PRDM5: variants seen among roughly 807,000 people sequenced by gnomAD.
The protein encoded by PRDM5 is PR domain zinc finger protein 5.
PRDM5 carries 56 observed loss-of-function variants against 81.2 expected under a neutral mutation model. That is an observed-to-expected ratio of 0.69 (90% CI 0.56 to 0.86). The LOEUF is 0.86. Among genes scored for constraint, PRDM5 ranks in the 40% least tolerant of loss-of-function variants. The pLI is 0.00. For synonymous variants in PRDM5, 267 were observed against 256.4 expected (o/e 1.04, Z -0.39); for missense variants, 697 against 770.1 (o/e 0.91, Z 1.12).
chr4:120,705,645 A>G (rs1408470034), intron 15 of PRDM5, among the ~76,000 whole-genome samples: 1 of 152,164 alleles, frequency 6.6e-6, no homozygotes, highest in African/African-American at 2.4e-5. Flanking sequence ...GAGGTCTTTC[A>G]GACCATGATA....
At chr4:120,742,610 G>A (rs1343023181) in intron 14 of PRDM5, among the ~76,000 whole-genome samples, 2 of 152,204 alleles carry the variant, frequency 1.3e-5, no homozygotes, top group Non-Finnish European at 2.9e-5. Context: ...GAAAACCAAG[G>A]CTTGAGAACT....
At position 120,707,556 on chromosome 4, in the gene PRDM5, G is replaced by A. The variant is rs79751445; in HGVS notation, c.1728+2753C>T. Reference sequence around the variant, plus strand: ...AAGAGCTAAAACTATAAGACTCTTAGAGAAAAAAAACAAAAACAAACAAAA... The same window carrying A: ...AAGAGCTAAAACTATAAGACTCTTAAAGAAAAAAAACAAAAACAAACAAAA... On this transcript the variant is annotated intron_variant, in intron 15 of 15. Coordinates refer to ENST00000264808, the MANE Select transcript of PRDM5 (RefSeq NM_018699.4). 7.8e-3 allele frequency among the ~76,000 whole-genome samples: 1,166 copies of A among 150,106 alleles called. 13 individuals carry two copies. Among genetic ancestry groups the A allele is most frequent in the African/African-American group, 0.027 (1,122 of 40,936 alleles).
At chr4:120,797,891 A>G (rs1285818292) in intron 10 of PRDM5, among the ~76,000 whole-genome samples, 1 of 152,160 alleles carries the variant, frequency 6.6e-6, no homozygotes, top group Non-Finnish European at 1.5e-5. Flanking sequence ...GTTCAGAGAA[A>G]TTGGCAGAAG....
Position 120,853,498 on chromosome 4 carries a change from T to C in PRDM5, c.220A>G (p.Thr74Ala). The C allele has an allele frequency of 6.2e-7, 1 of 1,613,764 alleles. No homozygotes were observed. The highest frequency in any genetic ancestry group is 8.5e-7 in the Non-Finnish European group (1 of 1,179,734). The change falls in exon 3 of 16, where the codon ACC becomes GCC. Residue 74 changes from threonine (T) to alanine (A), a missense_variant. Thr to Ala is a moderately conservative substitution (Grantham distance 58). Transcript: ENST00000264808. The stretch of plus-strand genomic sequence containing the variant: ...AGCCAGTTGGAGTGCCGTGGGTTGG[T>C]AGCATCCAAAATGTACAAAACTTCT... ...KGEVLYILDA[T>A]NPRHSNWLRF...
intron 8 of PRDM5, among the ~76,000 whole-genome samples, chr4:120,800,963 G>C (rs1288381341): frequency 6.6e-6 from 1 of 152,104 alleles, no homozygotes; most frequent in African/African-American, 2.4e-5. Flanking sequence ...AAACTGGATA[G>C]GTGGTATGAA....
At chr4:120,708,802 G>A (rs1209090688) in intron 15 of PRDM5, among the ~76,000 whole-genome samples, 1 of 152,072 alleles carries the variant, frequency 6.6e-6, no homozygotes, top group Non-Finnish European at 1.5e-5. Flanking sequence ...CTCTTTAAGA[G>A]GGAGAGAGAT....
chr4:120,708,131 A>G (rs1421352219), intron 15 of PRDM5, among the ~76,000 whole-genome samples: 1 of 152,158 alleles, frequency 6.6e-6, no homozygotes, highest in Non-Finnish European at 1.5e-5. Context: ...CATATGCCTC[A>G]GCAATTCAAT....
At chr4:120,740,330 T>C (rs1405962377) in intron 14 of PRDM5, among the ~76,000 whole-genome samples, 1 of 152,202 alleles carries the variant, frequency 6.6e-6, no homozygotes, top group East Asian at 1.9e-4. Flanking sequence ...AATAAACTAT[T>C]CTTAAAAGTT....
intron 1 of PRDM5, among the ~76,000 whole-genome samples, chr4:120,918,805 T>G (rs566979094): frequency 6.6e-6 from 1 of 152,264 alleles, no homozygotes; most frequent in South Asian, 2.1e-4. Context: ...TCCCTGCAAC[T>G]CTCTGGGCTT....
At chr4:120,696,967 G>A (rs1734597228) in intron 15 of PRDM5, among the ~76,000 whole-genome samples, 1 of 152,094 alleles carries the variant, frequency 6.6e-6, no homozygotes. Flanking sequence ...TGAGGCAACT[G>A]CAAAACAAAG....
At chr4:120,822,063 C>T (rs1457665654) in intron 3 of PRDM5, among the ~76,000 whole-genome samples, 1 of 152,108 alleles carries the variant, frequency 6.6e-6, no homozygotes, top group Non-Finnish European at 1.5e-5. Flanking sequence ...GAAACCTCGA[C>T]CAATAACAGA....
At chr4:120,798,824 G>A (rs916842917) in intron 9 of PRDM5, among the ~76,000 whole-genome samples, 1 of 152,160 alleles carries the variant, frequency 6.6e-6, no homozygotes, top group Non-Finnish European at 1.5e-5. Flanking sequence ...CCTCATGGAG[G>A]CAGAGCTTCC....
chr4:120,874,963 G>A (rs568214756), intron 2 of PRDM5, among the ~76,000 whole-genome samples: 1 of 152,270 alleles, frequency 6.6e-6, no homozygotes, highest in Non-Finnish European at 1.5e-5. Flanking sequence ...TGTGGTCTGC[G>A]TGCCAGCTGC....
intron 15 of PRDM5, among the ~76,000 whole-genome samples, chr4:120,698,659 T>C (rs188875039): frequency 7.8e-4 from 119 of 152,314 alleles, no homozygotes; most frequent in Non-Finnish European, 1.3e-3. Context: ...TGTCTAAAAC[T>C]GAACTCAGAA....
chr4:120,816,288 G>A, intron 7 of PRDM5, 165 bp downstream of exon 7: 2 of 1,044,806 alleles, frequency 1.9e-6, no homozygotes, highest in South Asian at 2.8e-5. Context: ...ACCTGAGAAA[G>A]AAATAGTGTT....
chr4:120,819,770 A>T (rs1755020976), intron 4 of PRDM5, among the ~76,000 whole-genome samples: 7 of 152,210 alleles, frequency 4.6e-5, no homozygotes, highest in Admixed American at 4.6e-4. Flanking sequence ...AAAACAAAGA[A>T]AACACAGAAT....
intron 8 of PRDM5, among the ~76,000 whole-genome samples, chr4:120,800,328 C>A (rs1224911305): frequency 1.3e-5 from 2 of 152,058 alleles, no homozygotes; most frequent in Non-Finnish European, 2.9e-5. Context: ...TCAGCCTGGA[C>A]AACAAAGTGA....
intron 2 of PRDM5, among the ~76,000 whole-genome samples, chr4:120,881,617 T>G (rs1346252667): frequency 2.0e-5 from 3 of 152,172 alleles, no homozygotes; most frequent in Non-Finnish European, 4.4e-5. Flanking sequence ...ATAAAGAATT[T>G]TTTAAAACTC....
intron 13 of PRDM5, among the ~76,000 whole-genome samples, chr4:120,758,849 G>A (rs1036387941): frequency 5.9e-5 from 9 of 151,516 alleles, no homozygotes; most frequent in South Asian, 4.2e-4. Context: ...CCTGCCTCCC[G>A]GGTTCACACC....
Sources: gnomAD v4.1 joint callset for allele counts (sites outside exome capture counted in the v4.1 genomes callset) on GRCh38, gnomAD v4.1.1 for gene constraint, MANE v1.5 for transcripts, NCBI Gene and HGNC (gene_info 2026-07-23, HGNC 2026-07-21) for gene names.